Variants in PHYH observed in about 807,000 individuals in gnomAD.
PHYH encodes phytanoyl-CoA 2-hydroxylase.
Under a neutral mutation model 38.5 loss-of-function variants are expected in PHYH, and 32 were observed. The observed-to-expected ratio is 0.83, with a 90% CI of 0.63 to 1.12. The LOEUF (loss-of-function observed/expected upper bound fraction) is 1.12. Ranked by LOEUF, PHYH falls within the 50% of genes most tolerant of loss-of-function variation. The pLI is 0.00. For synonymous variants in PHYH, 166 were observed against 157.9 expected, an observed-to-expected ratio of 1.05 and a Z score of -0.38; for missense variants, 426 against 434.8, an observed-to-expected ratio of 0.98 and a Z score of 0.18.
chr10:13,289,267 C>A lies in PHYH; in HGVS notation c.497-726G>T, dbSNP rs570356476. 5.1e-4 allele frequency among the ~76,000 whole-genome samples: 78 copies of A among 152,302 alleles called. 1 individual carries two copies. In the South Asian group the frequency reaches 0.01, roughly 20 times the overall value. ...CTGGAGTGCAGTGACGCGATCTCGG[C>A]TCACTGCAAGCTCCGCCTCCCAGGT... On this transcript the variant is annotated intron_variant, in intron 5 of 8. Coordinates refer to ENST00000263038, the MANE Select transcript of PHYH (RefSeq NM_006214.4).
chr10:13,288,573 C>T lies in PHYH; in HGVS notation c.497-32G>A, dbSNP rs777417271. On this transcript the variant is annotated intron_variant, in intron 5 of 8. Coordinates refer to ENST00000263038, the MANE Select transcript of PHYH (RefSeq NM_006214.4). ...AGAAAACCTGCTACTAAAGGATACT[C>T]GAGGCCGAGTGCAGTGGCTCACGCC... 3.7e-6 allele frequency: 6 copies of T among 1,609,812 alleles called. No homozygotes were observed. In the South Asian group the frequency reaches 5.5e-5, roughly 15 times the overall value.
intron 3 of PHYH, chr10:13,295,035 T>G: frequency 3.3e-6 from 1 of 300,312 alleles, no homozygotes; most frequent in Non-Finnish European, 6.3e-6. Flanking sequence ...ACACATGATA[T>G]TAAGTGGTGG....
Position 13,291,807 on chromosome 10 carries a change from T to C in PHYH, c.496+24A>G, listed in dbSNP as rs765112778. 2.6e-6 allele frequency: 4 copies of C among 1,532,730 alleles called. No homozygotes were observed. The Admixed American group carries it at 5.0e-5, about 19-fold the overall frequency. The allele number at this position is 1,532,730 out of a possible 1,614,324, so 94.9% of individuals were successfully genotyped here. On this transcript the variant is annotated intron_variant, in intron 5 of 8. Transcript: ENST00000263038. Reference sequence around the variant, plus strand: ...CTTACACATTTTAATGAAACCATTTTTTTTTCTTCTCCCTTACAATTACCA... The same window carrying C: ...CTTACACATTTTAATGAAACCATTTCTTTTTCTTCTCCCTTACAATTACCA...
intron 5 of PHYH, among the ~76,000 whole-genome samples, chr10:13,290,117 A>G (rs1413261509): frequency 7.7e-4 from 3 of 3,908 alleles, no homozygotes; most frequent in African/African-American, 2.3e-3. Context: ...AAAAATACCA[A>G]AAAAAAAAAA....
At chr10:13,285,800 C>T (rs1169042084) in intron 6 of PHYH, among the ~76,000 whole-genome samples, 1 of 151,916 alleles carries the variant, frequency 6.6e-6, no homozygotes, top group Non-Finnish European at 1.5e-5. Flanking sequence ...GACAGGGTTG[C>T]TCCATGTTGG....
At chr10:13,296,173 AC>A (rs1229080577) in intron 2 of PHYH, among the ~76,000 whole-genome samples, 1 of 151,990 alleles carries the variant, frequency 6.6e-6, no homozygotes, top group Non-Finnish European at 1.5e-5. Context: ...GTCTCAAAAA[AC>A]AAAAACAAAG....
Position 13,278,165 on chromosome 10 carries a change from A to G in PHYH, c.*136T>C. The stretch of plus-strand genomic sequence containing the variant: ...TGTGCTGCAAAACTAACTCTATGCA[A>G]TTAAGTACCTGATACATGTTTTCTG... On this transcript the variant is annotated 3_prime_UTR_variant, in exon 9 of 9. Coordinates refer to ENST00000263038, the MANE Select transcript of PHYH (RefSeq NM_006214.4). 1 of 708,654 alleles carries G rather than the reference A, an allele frequency of 1.4e-6. No homozygotes were observed. The highest frequency in any genetic ancestry group is 2.6e-6 in the Non-Finnish European group (1 of 384,642). The allele number at this position is 708,654 out of a possible 1,614,324, so 43.9% of individuals were successfully genotyped here. A position where few individuals can be genotyped will look rare whatever the true frequency, so the allele number is the denominator to read the frequency against.
intron 7 of PHYH, 56 bp downstream of exon 7, chr10:13,283,634 C>T (rs1835470748): frequency 6.6e-7 from 1 of 1,519,080 alleles, no homozygotes; most frequent in South Asian, 1.1e-5. Flanking sequence ...GAATTGAATA[C>T]AATTTTTGTT....
chr10:13,299,069 G>A (rs542430907), intron 1 of PHYH, among the ~76,000 whole-genome samples: 1 of 149,574 alleles, frequency 6.7e-6, no homozygotes, highest in Non-Finnish European at 1.5e-5. Flanking sequence ...GAGCCCAGGA[G>A]TGAGCCGAGA....
chr10:13,284,878 C>T (rs1270175674), intron 6 of PHYH, among the ~76,000 whole-genome samples: 1 of 152,140 alleles, frequency 6.6e-6, no homozygotes, highest in African/African-American at 2.4e-5. Context: ...TTAGACAGTG[C>T]TGAGACTCTG....
chr10:13,289,788 G>A (rs895969649), intron 5 of PHYH, among the ~76,000 whole-genome samples: 9 of 150,694 alleles, frequency 6.0e-5, no homozygotes, highest in African/African-American at 2.2e-4. Context: ...AAAATTAACT[G>A]GGCATGGTGG....
chr10:13,280,336 T>G (rs941163992), intron 8 of PHYH, among the ~76,000 whole-genome samples: 1 of 150,400 alleles, frequency 6.6e-6, no homozygotes, highest in African/African-American at 2.5e-5. Context: ...TTTCCTTCTA[T>G]CCCTTCAGAA....
Position 13,281,052 on chromosome 10 carries a change from C to A in PHYH, c.887G>T (p.Ser296Ile). ...AACTTCCTTCTCGATGTTTTCTTGA[C>A]TGGTGCCCTTCACGTCAATGTAGTG... ...DCHYIDVKGT[S>I]QENIEKEVVG... Residue 296 changes from serine (S) to isoleucine (I), a missense_variant, in exon 8 of 9, where the codon AGT becomes ATT. Physicochemically the swap from Ser to Ile is moderately radical, Grantham distance 142. Coordinates refer to ENST00000263038, the MANE Select transcript of PHYH (RefSeq NM_006214.4). The A allele has an allele frequency of 6.2e-7, 1 of 1,614,128 alleles. No individual in the cohort carries two copies. The highest frequency in any genetic ancestry group is 8.5e-7 in the Non-Finnish European group (1 of 1,179,976).
At chr10:13,288,779 A>G (rs1835625807) in intron 5 of PHYH, among the ~76,000 whole-genome samples, 1 of 152,010 alleles carries the variant, frequency 6.6e-6, no homozygotes, top group South Asian at 2.1e-4. Flanking sequence ...GTGTGGTGGC[A>G]TGCACCTGTA....
rs757529842 is a variant in PHYH, at chr10:13,294,563, C to T, written c.279G>A (p.Val93=). ...NEFEKICRKE[V]KPLGLTVMRD... ...TCATTACTGTTAATCCTAATGGTTT[C>T]ACCTCCTTTCTGCAGATTTTTTCAA... The change falls in exon 4 of 9, where the codon GTG becomes GTA. Residue 93 remains valine, a synonymous_variant. Coordinates refer to ENST00000263038, the MANE Select transcript of PHYH (RefSeq NM_006214.4). 3.1e-6 allele frequency: 5 copies of T among 1,613,846 alleles called. No individual in the cohort carries two copies. Among genetic ancestry groups the T allele is most frequent in the Non-Finnish European group, 4.2e-6 (5 of 1,179,886 alleles).
At chr10:13,299,902 G>T in intron 1 of PHYH, 66 bp downstream of exon 1, 1 of 1,481,250 alleles carries the variant, frequency 6.8e-7, no homozygotes, top group Non-Finnish European at 8.9e-7. Flanking sequence ...CCCGGACCAG[G>T]GCCACCACTC....
intron 3 of PHYH, chr10:13,295,018 C>A: frequency 3.2e-6 from 1 of 316,638 alleles, no homozygotes; most frequent in African/African-American, 2.2e-5. Context: ...AAGTAAATTG[C>A]CCCAGGACAC....
At position 13,283,692 on chromosome 10, in the gene PHYH, T is replaced by G. The variant is rs1055015202; in HGVS notation, c.826A>C (p.Lys276Gln). The change falls in exon 7 of 9, where the codon AAG becomes CAG. Residue 276 changes from lysine to glutamine, a missense_variant and splice_region_variant. Coordinates refer to ENST00000263038, the MANE Select transcript of PHYH (RefSeq NM_006214.4). ...GGTGCAGCAATGTGAATGCTTACCT[T>G]CCGGAATCCCTGGGTTTTATTCTGA... The part of the protein sequence containing the change: ...SGQNKTQGFR[K>Q]AISCHFASAD... 6.2e-7 allele frequency: 1 copy of G among 1,614,036 alleles called. No individual in the cohort carries two copies. The highest frequency in any genetic ancestry group is 8.5e-7 in the Non-Finnish European group (1 of 1,180,024).
chr10:13,278,540 T>C (rs544395966), intron 8 of PHYH, among the ~76,000 whole-genome samples, 186 bp from the exon 9 acceptor site: 1 of 152,328 alleles, frequency 6.6e-6, no homozygotes, highest in Non-Finnish European at 1.5e-5. Context: ...TACTCAACTC[T>C]TTTTTAAAAA....
Sources: gnomAD v4.1 joint callset for allele counts (sites outside exome capture counted in the v4.1 genomes callset) on GRCh38, gnomAD v4.1.1 for gene constraint, MANE v1.5 for transcripts, NCBI Gene and HGNC (gene_info 2026-07-23, HGNC 2026-07-21) for gene names.